TTN: variants seen among roughly 807,000 people sequenced by gnomAD.
TTN encodes the protein connectin.
In TTN, 1,525 loss-of-function variants were observed where a neutral mutation model predicts 3,223.0. That is an observed-to-expected ratio of 0.47 (90% CI 0.45 to 0.49). The LOEUF (loss-of-function observed/expected upper bound fraction) is 0.49, where lower values mean the gene tolerates loss of function less well. Among genes scored for constraint, TTN ranks in the 20% least tolerant of loss-of-function variants. The pLI is 0.00. For missense variants in TTN, 40,786 were observed against 43,424.0 expected, an observed-to-expected ratio of 0.94 and a Z score of 5.40; for synonymous variants, 14,094 against 15,161.0, an observed-to-expected ratio of 0.93 and a Z score of 5.17.
rs575187570 is a variant in TTN, at chr2:178,611,731, A to T, written c.50551+27T>A. The T allele has an allele frequency of 4.5e-5, 73 of 1,611,366 alleles. No homozygotes were observed. In the Middle Eastern group the frequency reaches 1.8e-3, roughly 40 times the overall value. On this transcript the variant is annotated intron_variant, in intron 268 of 362. Coordinates refer to ENST00000589042, the MANE Select transcript of TTN (RefSeq NM_001267550.2). ...ACAGTCTCATCAAGTTCTAGACAAT[A>T]TCTTGTGTATAATCAGCACTACTTA... is the stretch of plus-strand genomic sequence containing the variant.
chr2:178,550,435 G>A (rs1005395096), intron 336 of TTN, 162 bp from the exon 337 acceptor site: 3 of 603,080 alleles, frequency 5.0e-6, no homozygotes, highest in Non-Finnish European at 8.4e-6. Context: ...TGAGAATTTG[G>A]ACTATGGGGT....
Position 178,610,081 on chromosome 2 carries a change from C to G in TTN, c.51436+9G>C. The stretch of plus-strand genomic sequence containing the variant: ...TTCTTAGCCATAGTGCATCCATGTC[C>G]AAACTTACGCTTTGGATCTTGAGCA... On this transcript the variant is annotated intron_variant, in intron 271 of 362. Coordinates refer to ENST00000589042, the MANE Select transcript of TTN (RefSeq NM_001267550.2). 6.2e-7 allele frequency: 1 copy of G among 1,612,610 alleles called. No individual in the cohort carries two copies. Among genetic ancestry groups the G allele is most frequent in the Non-Finnish European group, 8.5e-7 (1 of 1,179,230 alleles).
At chr2:178,751,763 G>T (rs1475011295) in intron 47 of TTN, 1 of 1,613,174 alleles carries the variant, frequency 6.2e-7, no homozygotes, top group Non-Finnish European at 8.5e-7. Flanking sequence ...ACGAAGACCT[G>T]TTGGGATGGG....
chr2:178,618,506 T>G lies in TTN; in HGVS notation c.46967-15A>C. On this transcript the variant is annotated splice_polypyrimidine_tract_variant and intron_variant, in intron 251 of 362. Coordinates refer to ENST00000589042, the MANE Select transcript of TTN (RefSeq NM_001267550.2). The stretch of plus-strand genomic sequence containing the variant: ...CCCAGGAACATCTGAAATTCACATA[T>G]AGAGGAATTTTTTTAGTGTGCTGTC... The G allele has an allele frequency of 6.2e-7, 1 of 1,609,880 alleles. No individual in the cohort carries two copies. Among genetic ancestry groups the G allele is most frequent in the Non-Finnish European group, 8.5e-7 (1 of 1,178,496 alleles).
rs1019067272 is a variant in TTN, at chr2:178,733,470, C to T, written c.15823G>A (p.Gly5275Arg). The change falls in exon 54 of 363, where the codon GGA (glycine) becomes AGA (arginine). Residue 5275 changes from glycine (G) to arginine (R), a missense_variant. Physicochemically the swap from Gly to Arg is moderately radical, Grantham distance 125. Transcript: ENST00000589042. ...GTGTACTCCAGTGTGGCGGGATCTC[C>T]TGCTGTCACCTGGATCAGTTCTGCT... Reference protein sequence around the residue: ...ERAELIQVTAGDPATLEYTVA... With the variant: ...ERAELIQVTARDPATLEYTVA... 3.1e-6 allele frequency: 5 copies of T among 1,613,604 alleles called. No individual in the cohort carries two copies. The highest frequency in any genetic ancestry group is 4.2e-6 in the Non-Finnish European group (5 of 1,179,718).
rs767890385 is a variant in TTN at position 178,557,042 on chromosome 2, A to T, written c.88112T>A (p.Ile29371Asn). The T allele has an allele frequency of 1.9e-6, 3 of 1,613,666 alleles. No individual in the cohort carries two copies. The highest frequency in any genetic ancestry group is 2.7e-5 in the African/African-American group (2 of 74,924). Residue 29371 changes from isoleucine to asparagine, a missense_variant, in exon 330 of 363, where the codon ATT becomes AAT. By Grantham distance (149) the Ile-to-Asn change is moderately radical. Coordinates refer to ENST00000589042, the MANE Select transcript of TTN (RefSeq NM_001267550.2). ...FDGGSKITGY[I>N]VERRDLPDGR... ...ATCTGGAAGGTCACGTCTCTCAACA[A>T]TGTAGCCTGTAATCTTGCTACCTCC...
rs1160343677 is a variant in TTN at position 178,599,130 on chromosome 2, A to AT, written c.56647+15dup. ...AGTAAAAATGGCTTTGTATGTGAAA[A>AT]TGTTCTCCTACTTACAGAAGAGGTT... On this transcript the variant is annotated intron_variant, in intron 290 of 362. Coordinates refer to ENST00000589042, the MANE Select transcript of TTN (RefSeq NM_001267550.2). 6 of 1,509,638 alleles carry AT rather than the reference A, an allele frequency of 4.0e-6. No individual in the cohort carries two copies. In the South Asian group the frequency reaches 7.1e-5, roughly 18 times the overall value. The allele number at this position is 1,509,638 out of a possible 1,614,324, so 93.5% of individuals were successfully genotyped here.
At chr2:178,761,640 C>T (rs1290708925) in intron 43 of TTN, among the ~76,000 whole-genome samples, 2 of 152,072 alleles carry the variant, frequency 1.3e-5, no homozygotes, top group African/African-American at 2.4e-5. Flanking sequence ...AGTACGTGGG[C>T]CTGTTAATAG....
At chr2:178,682,936 C>A in intron 134 of TTN, 33 bp from the exon 135 acceptor site, 1 of 1,526,812 alleles carries the variant, frequency 6.5e-7, no homozygotes, top group Non-Finnish European at 8.8e-7. Flanking sequence ...CAGCACTTTA[C>A]TTTAAAGCAC....
At chr2:178,541,059 T>G (rs766733947) in intron 350 of TTN, 11 of 379,958 alleles carry the variant, frequency 2.9e-5, no homozygotes, top group Non-Finnish European at 4.2e-5. Context: ...TATTAAAAAT[T>G]ATTTGCCAGA....
Position 178,587,395 on chromosome 2 carries a change from A to C in TTN, c.63816T>G (p.Asp21272Glu). The change falls in exon 307 of 363, where the codon GAT becomes GAG. Residue 21272 changes from aspartate to glutamate, a missense_variant. Transcript: ENST00000589042. ...RVLDTPGPVS[D>E]LKVSDVTKTS... is the part of the protein sequence containing the mutation. Reference sequence around the variant, plus strand: ...TTTTAGTGACATCTGAAACTTTTAAATCAGACACAGGCCCAGGAGTGTCTG... The same window carrying C: ...TTTTAGTGACATCTGAAACTTTTAACTCAGACACAGGCCCAGGAGTGTCTG... 6.2e-7 allele frequency: 1 copy of C among 1,610,630 alleles called. No homozygotes were observed. The highest frequency in any genetic ancestry group is 8.5e-7 in the Non-Finnish European group (1 of 1,178,234).
In TTN at chr2:178,618,671, C is replaced by T. The variant is rs1576520581; in HGVS notation, c.46879G>A (p.Ala15627Thr). Reference sequence around the variant, plus strand: ...TACCTCCCTTTGTCTCCTTTCTTGGCTTCTAAAATTCTGAAAGAAGTTTGT... The same window carrying T: ...TACCTCCCTTTGTCTCCTTTCTTGGTTTCTAAAATTCTGAAAGAAGTTTGT... ...AEQTSFRILE[A>T]KKGDKGRYKI... Residue 15627 changes from alanine (A) to threonine (T), a missense_variant, in exon 251 of 363, where the codon GCC becomes ACC. By Grantham distance (58) the Ala-to-Thr change is moderately conservative. Transcript: ENST00000589042. 6.2e-7 allele frequency: 1 copy of T among 1,612,236 alleles called. No individual in the cohort carries two copies.
At chr2:178,751,553 G>A in intron 47 of TTN, 1 of 1,613,162 alleles carries the variant, frequency 6.2e-7, no homozygotes, top group East Asian at 2.2e-5. Context: ...ATTTTCATGT[G>A]TCCGTTCTGC....
chr2:178,684,651 G>C lies in TTN; in HGVS notation c.32638+15C>G. 2 of 1,601,226 alleles carry C rather than the reference G, an allele frequency of 1.2e-6. No homozygotes were observed. The highest frequency in any genetic ancestry group is 1.7e-6 in the Non-Finnish European group (2 of 1,175,826). On this transcript the variant is annotated intron_variant, in intron 131 of 362. Transcript: ENST00000589042. ...CCATATGTTCCTAGTTTTTCTGCTGGGGAGGTTTGTTTACCTTTGGCTGGG... is the reference window on the plus strand; with the variant it reads ...CCATATGTTCCTAGTTTTTCTGCTGCGGAGGTTTGTTTACCTTTGGCTGGG...
chr2:178,613,957 G>C lies in TTN; in HGVS notation c.49346-20C>G, dbSNP rs1338669169. Reference sequence around the variant, plus strand: ...GTGGATCTATAGACAGGATAATGGTGTAAAATGTTATATGTCCTGTATATA... The same window carrying C: ...GTGGATCTATAGACAGGATAATGGTCTAAAATGTTATATGTCCTGTATATA... On this transcript the variant is annotated intron_variant, in intron 262 of 362. Coordinates refer to ENST00000589042, the MANE Select transcript of TTN (RefSeq NM_001267550.2). The C allele has an allele frequency of 3.7e-6, 6 of 1,606,800 alleles. No homozygotes were observed. The highest frequency in any genetic ancestry group is 5.1e-6 in the Non-Finnish European group (6 of 1,177,462).
chr2:178,578,063 C>T lies in TTN; in HGVS notation c.68452G>A (p.Val22818Ile). The T allele has an allele frequency of 6.2e-7, 1 of 1,613,228 alleles. No individual in the cohort carries two copies. Residue 22818 changes from valine (V) to isoleucine (I), a missense_variant, in exon 322 of 363, where the codon GTT (valine) becomes ATT (isoleucine). By Grantham distance (29) the Val-to-Ile change is conservative. Transcript: ENST00000589042. Reference protein sequence around the residue: ...LTEGLEYEFRVMAINLAGVGK... With the variant: ...LTEGLEYEFRIMAINLAGVGK... ...ACACCTGCTAAATTGATTGCCATAA[C>T]TCGGAATTCATATTCAAGACCTTCA...
At position 178,736,015 on chromosome 2, in the gene TTN, C is replaced by T. The variant is rs761096621; in HGVS notation, c.14431G>A (p.Ala4811Thr). The change falls in exon 50 of 363, where the codon GCA becomes ACA. Residue 4811 changes from alanine to threonine, a missense_variant. By Grantham distance (58) the Ala-to-Thr change is moderately conservative (BLOSUM62 0). Coordinates refer to ENST00000589042, the MANE Select transcript of TTN (RefSeq NM_001267550.2). ...PKSLTTFVGKAAKFICTVTGT... is the reference protein window; with the variant it reads ...PKSLTTFVGKTAKFICTVTGT... ...GTCACTGTGCAGATGAACTTGGCTGCCTTACCCACAAAAGTTGTAAGGGAC... is the reference window on the plus strand; with the variant it reads ...GTCACTGTGCAGATGAACTTGGCTGTCTTACCCACAAAAGTTGTAAGGGAC... 2.5e-6 allele frequency: 4 copies of T among 1,612,092 alleles called. No individual in the cohort carries two copies. In the South Asian group the frequency reaches 3.3e-5, roughly 13 times the overall value.
Position 178,595,527 on chromosome 2 carries a change from A to G in TTN, c.57827T>C (p.Leu19276Pro), listed in dbSNP as rs748582312. 1.9e-6 allele frequency: 3 copies of G among 1,559,578 alleles called. No individual in the cohort carries two copies. The highest frequency in any genetic ancestry group is 1.7e-6 in the Non-Finnish European group (2 of 1,150,830). ...CTTACTTATTGGCTCTCTGATAACA[A>G]GTGCCTCTGATGTCTCAACAAATGG... Reference protein sequence around the residue: ...MGPFVETSEALVIREPITVPE... With the variant: ...MGPFVETSEAPVIREPITVPE... Residue 19276 changes from leucine to proline, a missense_variant, in exon 295 of 363, where the codon CTT becomes CCT. Transcript: ENST00000589042.
Position 178,570,248 on chromosome 2 carries a change from G to A in TTN, c.75884C>T (p.Pro25295Leu). Reference protein sequence around the residue: ...YGVGEPLESEPVVAKNPFVVP... With the variant: ...YGVGEPLESELVVAKNPFVVP... ...TACAAATGGATTCTTGGCAACTACT[G>A]GCTCAGATTCAAGAGGTTCACCAAC... is the stretch of plus-strand genomic sequence containing the variant. The change falls in exon 326 of 363, where the codon CCA (proline) becomes CTA (leucine). Residue 25295 changes from proline (P) to leucine (L), a missense_variant. By Grantham distance (98) the Pro-to-Leu change is moderately conservative. Coordinates refer to ENST00000589042, the MANE Select transcript of TTN (RefSeq NM_001267550.2). 6.2e-7 allele frequency: 1 copy of A among 1,613,312 alleles called. No homozygotes were observed. The highest frequency in any genetic ancestry group is 8.5e-7 in the Non-Finnish European group (1 of 1,179,604).
Sources: gnomAD v4.1 joint callset for allele counts (sites outside exome capture counted in the v4.1 genomes callset) on GRCh38, gnomAD v4.1.1 for gene constraint, MANE v1.5 for transcripts, NCBI Gene and HGNC (gene_info 2026-07-23, HGNC 2026-07-21) for gene names.